DYNC2I1: variants seen among roughly 807,000 people sequenced by gnomAD.
DYNC2I1 encodes cytoplasmic dynein 2 intermediate chain 1.
DYNC2I1 carries 89 observed loss-of-function variants against 133.4 expected under a neutral mutation model. The observed-to-expected ratio is 0.67, with a 90% confidence interval of 0.56 to 0.80. The LOEUF (loss-of-function observed/expected upper bound fraction) is 0.80. DYNC2I1 is among the 30% of genes least tolerant of loss of function. DYNC2I1 has a pLI of 0.00. For synonymous variants in DYNC2I1, 504 were observed against 484.3 expected (o/e 1.04, Z -0.54); for missense variants, 1,291 against 1,314.5 (o/e 0.98, Z 0.28).
At chr7:158,894,245 T>C (rs1845560617) in intron 8 of DYNC2I1, among the ~76,000 whole-genome samples, 1 of 152,124 alleles carries the variant, frequency 6.6e-6, no homozygotes, top group Admixed American at 6.6e-5. Context: ...GTACTGCATG[T>C]CACACCATAT....
downstream of DYNC2I1, among the ~76,000 whole-genome samples, chr7:158,958,265 G>T (rs573502862): frequency 6.6e-6 from 1 of 152,120 alleles, no homozygotes; most frequent in Non-Finnish European, 1.5e-5. Context: ...CAGCAAAGCC[G>T]TGGTTGAAAA....
At chr7:158,934,397 T>C in intron 22 of DYNC2I1, 21 bp from the exon 23 acceptor site, 1 of 1,604,474 alleles carries the variant, frequency 6.2e-7, no homozygotes, top group Non-Finnish European at 8.5e-7. Context: ...GTTCAGTCAC[T>C]CTTGGGCTTC....
the DYNC2I1 span, among the ~76,000 whole-genome samples, chr7:158,840,062 G>A: frequency 6.6e-6 from 1 of 152,118 alleles, no homozygotes; most frequent in Non-Finnish European, 1.5e-5. Flanking sequence ...CAATCCTCCT[G>A]CCTCAGCTTC....
intron 23 of DYNC2I1, among the ~76,000 whole-genome samples, chr7:158,936,653 A>G (rs990975438): frequency 6.6e-6 from 1 of 152,228 alleles, no homozygotes; most frequent in Non-Finnish European, 1.5e-5. Context: ...TGCAGCCCTG[A>G]AAATTCTGCA....
intron 15 of DYNC2I1, among the ~76,000 whole-genome samples, chr7:158,920,196 G>C (rs917691968): frequency 2.6e-5 from 4 of 151,444 alleles, no homozygotes; most frequent in Non-Finnish European, 4.4e-5. Context: ...CTCCGTCGGG[G>C]AACACGTGAA....
In DYNC2I1 at chr7:158,902,513, A is replaced by C; in HGVS notation, c.1275A>C (p.Ala425=). 5.0e-6 allele frequency: 8 copies of C among 1,614,080 alleles called. No individual in the cohort carries two copies. The highest frequency in any genetic ancestry group is 6.8e-6 in the Non-Finnish European group (8 of 1,179,904). ...EIQEIQRAIN[A]ENERIGELSL... ...AAGAAATTCAAAGAGCTATTAATGC[A>C]GAAAATGAAAGGATTGGCGAGTTAT... Residue 425 remains alanine, a synonymous_variant, in exon 10 of 25, where the codon GCA becomes GCC. Transcript: ENST00000407559.
chr7:158,929,359 C>T (rs976966854), intron 20 of DYNC2I1, among the ~76,000 whole-genome samples: 2 of 152,252 alleles, frequency 1.3e-5, no homozygotes, highest in Non-Finnish European at 2.9e-5. Flanking sequence ...TGGTGGTGGA[C>T]TTACTGGAGC....
At chr7:158,930,670 AT>A in intron 21 of DYNC2I1, among the ~76,000 whole-genome samples, 155 bp downstream of exon 21, 1 of 152,002 alleles carries the variant, frequency 6.6e-6, no homozygotes, top group Admixed American at 6.6e-5. Flanking sequence ...TATTATTTTT[AT>A]TTTTTTATTT....
At chr7:158,927,263 C>T (rs555314960) in intron 20 of DYNC2I1, among the ~76,000 whole-genome samples, 12 of 151,678 alleles carry the variant, frequency 7.9e-5, no homozygotes, top group Admixed American at 2.0e-4. Context: ...ATTGGCTGGG[C>T]GTGGTGGCAC....
intron 8 of DYNC2I1, 103 bp downstream of exon 8, chr7:158,891,436 C>T (rs1845208482): frequency 3.2e-6 from 4 of 1,232,302 alleles, no homozygotes. Flanking sequence ...CAATTATTGT[C>T]CCTTTCAGAC....
chr7:158,897,346 A>T (rs937187474), intron 8 of DYNC2I1, among the ~76,000 whole-genome samples: 3 of 152,224 alleles, frequency 2.0e-5, no homozygotes, highest in African/African-American at 7.2e-5. Flanking sequence ...ATTCACCAGT[A>T]TTAGTGCTTT....
chr7:158,887,016 T>C lies in DYNC2I1; in HGVS notation c.936-5T>C, dbSNP rs762602962. 6.2e-7 allele frequency: 1 copy of C among 1,613,854 alleles called. No individual in the cohort carries two copies. Among genetic ancestry groups the C allele is most frequent in the Non-Finnish European group, 8.5e-7 (1 of 1,179,772 alleles). On this transcript the variant is annotated splice_polypyrimidine_tract_variant and splice_region_variant and intron_variant, in intron 6 of 24. Transcript: ENST00000407559. ...GTTTTGATTTTGATTATGTTTGCTT[T>C]CCAGGCATGCTGAGAATTTAGTAAG...
At chr7:158,865,276 C>T (rs993761903) in intron 1 of DYNC2I1, among the ~76,000 whole-genome samples, 4 of 152,136 alleles carry the variant, frequency 2.6e-5, no homozygotes, top group African/African-American at 9.7e-5. Context: ...GAAAAGAATT[C>T]CCTTGAAGCC....
At chr7:158,958,651 T>C (rs1852259965), downstream of DYNC2I1, among the ~76,000 whole-genome samples, 1 of 152,270 alleles carries the variant, frequency 6.6e-6, no homozygotes, top group Non-Finnish European at 1.5e-5. Flanking sequence ...CCAGAAAGGC[T>C]ACCTTTGCCT....
intron 20 of DYNC2I1, among the ~76,000 whole-genome samples, chr7:158,929,692 C>G (rs1296506486): frequency 1.3e-5 from 2 of 152,252 alleles, no homozygotes; most frequent in African/African-American, 4.8e-5. Flanking sequence ...CCTTTTAATT[C>G]ACCTGCCCCC....
chr7:158,869,786 A>G (rs1425164168), intron 1 of DYNC2I1, 69 bp from the exon 2 acceptor site: 5 of 1,250,880 alleles, frequency 4.0e-6, no homozygotes, highest in Non-Finnish European at 4.5e-6. Context: ...GGCATAATGA[A>G]AAAGCAGCTC....
At chr7:158,894,112 T>TGCATATGCTACCGCATATCCTACC (rs1845522320) in intron 8 of DYNC2I1, among the ~76,000 whole-genome samples, 1 of 48,632 alleles carries the variant, frequency 2.1e-5, no homozygotes, top group Non-Finnish European at 5.8e-5. Context: ...CATATCCTAC[T>TGCATATGCTACCGCATATCCTACC]GCATATCCTA....
chr7:158,900,057 T>G (rs1343059569), intron 8 of DYNC2I1, among the ~76,000 whole-genome samples: 1 of 152,126 alleles, frequency 6.6e-6, no homozygotes, highest in Non-Finnish European at 1.5e-5. Context: ...CTCAGTACTT[T>G]AAACATTTCT....
At chr7:158,892,212 C>G (rs1215102621) in intron 8 of DYNC2I1, among the ~76,000 whole-genome samples, 1 of 152,164 alleles carries the variant, frequency 6.6e-6, no homozygotes, top group Non-Finnish European at 1.5e-5. Context: ...TGACTAAAAG[C>G]CACTGGGTCT....
Sources: allele counts gnomAD v4.1 joint callset (sites outside exome capture counted in the v4.1 genomes callset), GRCh38; gene constraint gnomAD v4.1.1; transcripts MANE v1.5; gene names NCBI Gene and HGNC (gene_info 2026-07-23, HGNC 2026-07-21).